The following LHFPL6 variants were observed in gnomAD, a reference collection of about 807,000 sequenced individuals.
LHFPL6 encodes the protein LHFPL tetraspan subfamily member 6.
LHFPL6 carries 9 observed loss-of-function variants against 20.6 expected under a neutral mutation model. That is an observed-to-expected ratio of 0.44 (90% CI 0.26 to 0.76). The LOEUF (loss-of-function observed/expected upper bound fraction) is 0.76. LHFPL6 is among the 30% of genes least tolerant of loss of function. The pLI, the probability that LHFPL6 is intolerant of heterozygous loss-of-function variation, is 0.20. For missense variants in LHFPL6, 218 were observed against 253.5 expected, an observed-to-expected ratio of 0.86 and a Z score of 0.95; for synonymous variants, 105 against 98.7, an observed-to-expected ratio of 1.06 and a Z score of -0.38.
At chr13:39,485,346 A>G (rs1868689495) in intron 2 of LHFPL6, among the ~76,000 whole-genome samples, 1 of 152,216 alleles carries the variant, frequency 6.6e-6, no homozygotes, top group East Asian at 1.9e-4. Flanking sequence ...GGGTTCAGCC[A>G]TTTTGAAAGT....
intron 2 of LHFPL6, among the ~76,000 whole-genome samples, chr13:39,562,555 C>CAT (rs1871552701): frequency 8.2e-4 from 69 of 84,134 alleles, no homozygotes; most frequent in Non-Finnish European, 1.6e-3. Flanking sequence ...TACATATATA[C>CAT]ACATACATAT....
chr13:39,367,588 T>TCTA (rs1230659158), intron 3 of LHFPL6, among the ~76,000 whole-genome samples: 1 of 152,216 alleles, frequency 6.6e-6, no homozygotes, highest in Non-Finnish European at 1.5e-5. Flanking sequence ...AGGTGAGGTC[T>TCTA]AGAGTTCAGA....
chr13:39,562,533 T>TATATACATATATACAC (rs1871549643), intron 2 of LHFPL6, among the ~76,000 whole-genome samples: 1 of 134,098 alleles, frequency 7.5e-6, no homozygotes, highest in Non-Finnish European at 1.7e-5. Context: ...CATATACACA[T>TATATACATATATACAC]ATATACACAT....
chr13:39,496,018 T>G (rs1157173339), intron 2 of LHFPL6, among the ~76,000 whole-genome samples: 3 of 151,976 alleles, frequency 2.0e-5, no homozygotes, highest in Non-Finnish European at 2.9e-5. Flanking sequence ...ATATAAAGGG[T>G]CTGGCACATG....
At chr13:39,507,471 A>G (rs539037526) in intron 2 of LHFPL6, among the ~76,000 whole-genome samples, 1 of 152,124 alleles carries the variant, frequency 6.6e-6, no homozygotes, top group Non-Finnish European at 1.5e-5. Context: ...TTTCTCCCCA[A>G]AGTATGTGGG....
chr13:39,430,747 T>C (rs1355340850), intron 2 of LHFPL6, among the ~76,000 whole-genome samples: 1 of 152,150 alleles, frequency 6.6e-6, no homozygotes, highest in Non-Finnish European at 1.5e-5. Context: ...CAATCAGCAC[T>C]CTGTGTCTAG....
At chr13:39,352,929 ATATATATGTGTG>A (rs1238853490) in intron 3 of LHFPL6, among the ~76,000 whole-genome samples, 6 of 58,182 alleles carry the variant, frequency 1.0e-4, no homozygotes, top group Non-Finnish European at 1.4e-4. Context: ...ATATAAATGT[ATATATATGTGTG>A]TATATATATA....
intron 2 of LHFPL6, among the ~76,000 whole-genome samples, chr13:39,594,555 G>A (rs1355489204): frequency 3.3e-5 from 5 of 152,224 alleles, no homozygotes; most frequent in African/African-American, 1.2e-4. Context: ...GGACGTCGGT[G>A]TGGCGATTCC....
chr13:39,501,653 G>T (rs1452241180), intron 2 of LHFPL6, among the ~76,000 whole-genome samples: 3 of 152,162 alleles, frequency 2.0e-5, no homozygotes, highest in African/African-American at 7.2e-5. Flanking sequence ...GGGGTTGGGG[G>T]TGGGTGAGGT....
At chr13:39,562,603 T>TATATACACAC (rs1871562966) in intron 2 of LHFPL6, among the ~76,000 whole-genome samples, 1 of 58,138 alleles carries the variant, frequency 1.7e-5, no homozygotes, top group East Asian at 3.6e-4. Context: ...TATATACACA[T>TATATACACAC]ATACATATAT....
chr13:39,541,267 A>G (rs1239629073), intron 2 of LHFPL6, among the ~76,000 whole-genome samples: 3 of 152,196 alleles, frequency 2.0e-5, no homozygotes, highest in Non-Finnish European at 4.4e-5. Context: ...GGTTGCTTTA[A>G]AGACATAGTT....
chr13:39,402,442 C>T (rs967098749), intron 2 of LHFPL6, among the ~76,000 whole-genome samples: 1 of 152,128 alleles, frequency 6.6e-6, no homozygotes, highest in Admixed American at 6.5e-5. Context: ...GTGGGTCAAG[C>T]TGGTCTTGAA....
chr13:39,487,747 G>A (rs1460557789), intron 2 of LHFPL6, among the ~76,000 whole-genome samples: 1 of 152,084 alleles, frequency 6.6e-6, no homozygotes, highest in African/African-American at 2.4e-5. Flanking sequence ...GGTGGCTCAC[G>A]CCTGTAATCC....
chr13:39,358,810 A>T (rs1869796169), intron 3 of LHFPL6, among the ~76,000 whole-genome samples: 1 of 152,200 alleles, frequency 6.6e-6, no homozygotes. Flanking sequence ...ATCATCACTA[A>T]TCATCAGAAA....
At chr13:39,365,642 AT>A (rs1340505754) in intron 3 of LHFPL6, among the ~76,000 whole-genome samples, 4 of 152,184 alleles carry the variant, frequency 2.6e-5, no homozygotes, top group Admixed American at 6.5e-5. Context: ...ACAGACACTT[AT>A]TCAACAAATA....
intron 2 of LHFPL6, among the ~76,000 whole-genome samples, chr13:39,473,595 TA>T (rs1462866469): frequency 6.6e-6 from 1 of 152,162 alleles, no homozygotes; most frequent in African/African-American, 2.4e-5. Flanking sequence ...TATAAGGTTT[TA>T]CATAATTGAG....
intron 2 of LHFPL6, among the ~76,000 whole-genome samples, chr13:39,445,884 CT>C (rs138803710): frequency 4.6e-5 from 7 of 151,994 alleles, no homozygotes; most frequent in Admixed American, 2.0e-4. Flanking sequence ...TAAATTTAGG[CT>C]TTTTTTCCTG....
chr13:39,521,201 C>T (rs192389622), intron 2 of LHFPL6, among the ~76,000 whole-genome samples: 3 of 152,078 alleles, frequency 2.0e-5, no homozygotes, highest in African/African-American at 7.3e-5. Flanking sequence ...AAAGGCCATT[C>T]CTCACAGCTT....
chr13:39,496,934 G>A (rs535276247), intron 2 of LHFPL6, among the ~76,000 whole-genome samples: 123 of 152,286 alleles, frequency 8.1e-4, no homozygotes, highest in African/African-American at 2.7e-3. Context: ...CAGGCTGCAG[G>A]TGGCTCCATG....
Sources: allele counts gnomAD v4.1 joint callset (sites outside exome capture counted in the v4.1 genomes callset), GRCh38; gene constraint gnomAD v4.1.1; transcripts MANE v1.5; gene names NCBI Gene and HGNC (gene_info 2026-07-23, HGNC 2026-07-21).